Variants in NEXMIF observed in about 807,000 individuals in gnomAD.
NEXMIF encodes the protein XLMR protein related to neurite extension.
A neutral mutation model predicts 62.1 loss-of-function variants in NEXMIF; 8 were observed. The ratio of observed to expected loss-of-function variants is 0.13; its 90% CI spans 0.08 to 0.23. The LOEUF (loss-of-function observed/expected upper bound fraction) is 0.23. Among genes scored for constraint, NEXMIF ranks in the 10% least tolerant of loss-of-function variants. The pLI, the probability that NEXMIF is intolerant of heterozygous loss-of-function variation, is 1.00. For missense variants in NEXMIF, 976 were observed against 1,113.3 expected (o/e 0.88, Z 1.75); for synonymous variants, 404 against 416.6 (o/e 0.97, Z 0.37).
In NEXMIF at chrX:74,777,085, T is replaced by C. The variant is rs191974787; in HGVS notation, c.-47-31388A>G. Among the ~76,000 whole-genome samples the C allele has an allele frequency of 3.3e-4, 37 of 111,956 alleles. No homozygotes were observed. In the East Asian group the frequency reaches 0.01, roughly 31 times the overall value. ...CTAATGATAAGGATATTAACATCTA[T>C]CAATTACCTGCTGTGTGCTAGAAAC... is the stretch of plus-strand genomic sequence containing the variant. On this transcript the variant is annotated intron_variant, in intron 1 of 3. Coordinates refer to ENST00000055682, the MANE Select transcript of NEXMIF (RefSeq NM_001008537.3).
chrX:74,751,565 G>A (rs1464735392), intron 1 of NEXMIF, among the ~76,000 whole-genome samples: 1 of 104,173 alleles, frequency 9.6e-6, no homozygotes, highest in African/African-American at 3.5e-5. Flanking sequence ...TCGGCTCACT[G>A]CAACCTCCGC....
intron 1 of NEXMIF, among the ~76,000 whole-genome samples, chrX:74,902,427 A>G (rs183862997): frequency 6.7e-4 from 74 of 110,614 alleles, no homozygotes; most frequent in African/African-American, 2.4e-3. Context: ...AAAAGCTATT[A>G]TTTAATAAGT....
chrX:74,890,707 T>C (rs986291909), intron 1 of NEXMIF, among the ~76,000 whole-genome samples: 2 of 111,696 alleles, frequency 1.8e-5, no homozygotes, highest in Non-Finnish European at 3.8e-5. Flanking sequence ...TCTTCAACTC[T>C]TTCAGGCCAT....
At position 74,769,673 on chromosome X, in the gene NEXMIF, G is replaced by T. The variant is rs187444119; in HGVS notation, c.-47-23976C>A. 1.6e-4 allele frequency: 116 copies of T among 723,631 alleles called. No homozygotes were observed. In the African/African-American group the frequency reaches 2.3e-3, roughly 15 times the overall value. The allele number at this position is 723,631 out of a possible 1,213,427, so 59.6% of individuals were successfully genotyped here. ...TAAGACGAACTCTGTGGCAAGGCTG[G>T]AAAAGCACAAGAATTTGTTCTTAAA... On this transcript the variant is annotated intron_variant, in intron 1 of 3. Coordinates refer to ENST00000055682, the MANE Select transcript of NEXMIF (RefSeq NM_001008537.3).
chrX:74,844,879 C>A (rs1002618524), intron 1 of NEXMIF, among the ~76,000 whole-genome samples: 4 of 112,226 alleles, frequency 3.6e-5, no homozygotes, highest in Non-Finnish European at 7.5e-5. Flanking sequence ...TTAATTATAT[C>A]TATTAATACA....
At chrX:74,744,916 TC>T (rs1429063693) in intron 2 of NEXMIF, among the ~76,000 whole-genome samples, 869 of 73,067 alleles carry the variant, frequency 0.012, 17 homozygotes, top group African/African-American at 0.038. Context: ...TCTCTCTCTC[TC>T]TCTTCTCTCT....
intron 1 of NEXMIF, among the ~76,000 whole-genome samples, chrX:74,822,507 T>C (rs1174044674): frequency 1.8e-5 from 2 of 112,127 alleles, no homozygotes; most frequent in Non-Finnish European, 3.8e-5. Context: ...AAGGAACATG[T>C]ATCTAGAATA....
intron 1 of NEXMIF, among the ~76,000 whole-genome samples, chrX:74,806,876 T>C (rs911292115): frequency 1.8e-5 from 2 of 112,940 alleles, no homozygotes; most frequent in East Asian, 5.6e-4. Context: ...CAGTTGACTG[T>C]ATTTGTGTAT....
chrX:74,889,632 G>A (rs1445060553), intron 1 of NEXMIF, among the ~76,000 whole-genome samples: 1 of 109,963 alleles, frequency 9.1e-6, no homozygotes, highest in African/African-American at 3.3e-5. Context: ...TCTTCCCAGA[G>A]CACTGATAAA....
At chrX:74,913,243 A>G (rs2080796367) in intron 1 of NEXMIF, among the ~76,000 whole-genome samples, 1 of 112,198 alleles carries the variant, frequency 8.9e-6, no homozygotes, top group Non-Finnish European at 1.9e-5. Context: ...AAAGTCTCAT[A>G]AATATAATAA....
At chrX:74,780,365 C>T (rs1240262236) in intron 1 of NEXMIF, among the ~76,000 whole-genome samples, 1 of 108,333 alleles carries the variant, frequency 9.2e-6, no homozygotes, top group Non-Finnish European at 1.9e-5. Context: ...TCTGATAAAA[C>T]CATCTTACTG....
intron 1 of NEXMIF, among the ~76,000 whole-genome samples, chrX:74,900,250 G>A (rs193079883): frequency 7.8e-4 from 86 of 110,306 alleles, no homozygotes; most frequent in Non-Finnish European, 1.4e-3. Flanking sequence ...GGATCACGAG[G>A]TCAGGAGATC....
intron 1 of NEXMIF, among the ~76,000 whole-genome samples, chrX:74,829,392 T>C (rs760513914): frequency 8.9e-6 from 1 of 112,341 alleles, no homozygotes; most frequent in South Asian, 3.7e-4. Flanking sequence ...CTTATTCTTC[T>C]TTATGGTTGA....
chrX:74,750,093 G>T (rs191730318), intron 1 of NEXMIF, among the ~76,000 whole-genome samples: 6 of 111,292 alleles, frequency 5.4e-5, no homozygotes, highest in East Asian at 2.8e-4. Context: ...AGAGACAGAG[G>T]GGGGGAAGAT....
chrX:74,787,240 G>A (rs753809856), intron 1 of NEXMIF, among the ~76,000 whole-genome samples: 8 of 106,018 alleles, frequency 7.5e-5, no homozygotes, highest in Non-Finnish European at 5.8e-5. Flanking sequence ...CCAAGATCAC[G>A]CCACTGTACT....
intron 1 of NEXMIF, among the ~76,000 whole-genome samples, chrX:74,831,427 A>T (rs1303621330): frequency 1.0e-5 from 1 of 97,515 alleles, no homozygotes; most frequent in African/African-American, 3.8e-5. Flanking sequence ...CCCACCTATG[A>T]GTGAGAACAT....
intron 1 of NEXMIF, among the ~76,000 whole-genome samples, chrX:74,851,105 T>A (rs936400965): frequency 1.8e-5 from 2 of 109,800 alleles, no homozygotes; most frequent in South Asian, 7.9e-4. Flanking sequence ...AACAATAGAC[T>A]AGATCAAGCA....
At chrX:74,757,722 G>C (rs1017053712) in intron 1 of NEXMIF, among the ~76,000 whole-genome samples, 9 of 110,967 alleles carry the variant, frequency 8.1e-5, no homozygotes, top group African/African-American at 2.9e-4. Flanking sequence ...TATTTCTTTT[G>C]CTTGTTTCTG....
intron 1 of NEXMIF, among the ~76,000 whole-genome samples, chrX:74,881,281 T>C (rs2080661785): frequency 9.0e-6 from 1 of 110,661 alleles, no homozygotes. Flanking sequence ...TCAAGTTCAC[T>C]GTAAAGCACA....
Sources: allele counts gnomAD v4.1 joint callset (sites outside exome capture counted in the v4.1 genomes callset), GRCh38; gene constraint gnomAD v4.1.1; transcripts MANE v1.5; gene names NCBI Gene and HGNC (gene_info 2026-07-23, HGNC 2026-07-21).